The following TRMT61B variants were observed in gnomAD, a reference collection of about 807,000 sequenced individuals.
The protein encoded by TRMT61B is tRNA (adenine(58)-N(1))-methyltransferase, mitochondrial.
In TRMT61B, 56 loss-of-function variants were observed where a neutral mutation model predicts 52.0. The ratio of observed to expected loss-of-function variants is 1.08; its 90% CI spans 0.87 to 1.35. TRMT61B has a LOEUF of 1.35. TRMT61B is among the 40% of genes most tolerant of loss of function. The pLI is 0.00. For missense variants in TRMT61B, 650 were observed against 577.9 expected (o/e 1.12, Z -1.28); for synonymous variants, 206 against 220.0 (o/e 0.94, Z 0.56).
intron 3 of TRMT61B, among the ~76,000 whole-genome samples, chr2:28,856,370 A>G (rs1669342193): frequency 6.6e-6 from 1 of 152,174 alleles, no homozygotes; most frequent in South Asian, 2.1e-4. Flanking sequence ...TTGAAATATT[A>G]TAATACCTTT....
Position 28,865,133 on chromosome 2 carries a change from C to G in TRMT61B, c.700-14G>C. The stretch of plus-strand genomic sequence containing the variant: ...CATATTAATATCCTATGATTGAAAA[C>G]AGTATGGGTGACTCAGCGACCAATA... On this transcript the variant is annotated splice_polypyrimidine_tract_variant and intron_variant, in intron 1 of 6. Coordinates refer to ENST00000306108, the MANE Select transcript of TRMT61B (RefSeq NM_017910.4). The G allele has an allele frequency of 6.8e-7, 1 of 1,472,326 alleles. No individual in the cohort carries two copies. The highest frequency in any genetic ancestry group is 9.5e-7 in the Non-Finnish European group (1 of 1,052,436). 91.2% of individuals were successfully genotyped at this position (1,472,326 alleles called of 1,614,324 possible).
At chr2:28,862,993 C>T (rs1247870381) in intron 2 of TRMT61B, among the ~76,000 whole-genome samples, 1 of 151,886 alleles carries the variant, frequency 6.6e-6, no homozygotes, top group East Asian at 1.9e-4. Context: ...TTTCCACCCA[C>T]CTCTATCTGA....
At chr2:28,868,048 T>A (rs1035481690) in intron 1 of TRMT61B, among the ~76,000 whole-genome samples, 2 of 152,138 alleles carry the variant, frequency 1.3e-5, no homozygotes, top group Non-Finnish European at 2.9e-5. Context: ...CAAGACCTTG[T>A]CTTTAAACAA....
chr2:28,861,365 C>A, intron 2 of TRMT61B, 57 bp from the exon 3 acceptor site: 3 of 1,381,638 alleles, frequency 2.2e-6, no homozygotes, highest in South Asian at 1.5e-5. Flanking sequence ...TAAAAAGTGT[C>A]AAAAATGTAT....
In TRMT61B at chr2:28,865,039, C is replaced by T; in HGVS notation, c.780G>A (p.Met260Ile). 6.2e-7 allele frequency: 1 copy of T among 1,612,352 alleles called. No homozygotes were observed. Among genetic ancestry groups the T allele is most frequent in the Middle Eastern group, 1.7e-4 (1 of 6,060 alleles). ...TACCTGCTTTGGATAAAAATAAGCT[C>T]ATTCCACCAGAGCCTGAGCCAGCTT... ...VLEAGSGSGG[M>I]SLFLSKAVGS... Residue 260 changes from methionine (M) to isoleucine (I), a missense_variant, in exon 2 of 7, where the codon ATG becomes ATA. By Grantham distance (10) the Met-to-Ile change is conservative. Coordinates refer to ENST00000306108, the MANE Select transcript of TRMT61B (RefSeq NM_017910.4).
Position 28,861,120 on chromosome 2 carries a change from C to T in TRMT61B, c.991G>A (p.Ala331Thr), listed in dbSNP as rs140170079. ...AGGACCCACGTTAGAAAACTTACTG[C>T]GTCAAATGTTAAAGATTTTATGTCT... is the stretch of plus-strand genomic sequence containing the variant. ...TEDIKSLTFD[A>T]VALDMLNPHV... The change falls in exon 3 of 7, where the codon GCA becomes ACA. Residue 331 changes from alanine to threonine, a missense_variant and splice_region_variant. Physicochemically the swap from Ala to Thr is moderately conservative, Grantham distance 58. Transcript: ENST00000306108. The T allele has an allele frequency of 1.3e-5, 21 of 1,594,966 alleles. No homozygotes were observed. The highest frequency in any genetic ancestry group is 3.6e-5 in the Admixed American group (2 of 55,874).
intron 3 of TRMT61B, among the ~76,000 whole-genome samples, chr2:28,857,162 G>A (rs1389994172): frequency 6.6e-6 from 1 of 151,976 alleles, no homozygotes; most frequent in Non-Finnish European, 1.5e-5. Flanking sequence ...TCAAACTCCT[G>A]ACCTCAAGTG....
At chr2:28,866,370 G>A (rs924415661) in intron 1 of TRMT61B, among the ~76,000 whole-genome samples, 4 of 152,170 alleles carry the variant, frequency 2.6e-5, no homozygotes, top group Non-Finnish European at 4.4e-5. Flanking sequence ...GACCCGTTTC[G>A]TGGAAGACAG....
At chr2:28,861,556 T>C (rs946764640) in intron 2 of TRMT61B, 10 of 435,554 alleles carry the variant, frequency 2.3e-5, no homozygotes, top group African/African-American at 1.8e-4. Context: ...TATCTCTCTG[T>C]GTTTTTAATA....
chr2:28,853,022 AC>A (rs1669191216), intron 3 of TRMT61B, among the ~76,000 whole-genome samples: 1 of 152,186 alleles, frequency 6.6e-6, no homozygotes, highest in Admixed American at 6.5e-5. Context: ...TATGTCTTGT[AC>A]TTTGCATATT....
intron 2 of TRMT61B, among the ~76,000 whole-genome samples, chr2:28,862,954 G>A (rs904860785): frequency 4.0e-5 from 6 of 151,510 alleles, no homozygotes; most frequent in Non-Finnish European, 5.9e-5. Flanking sequence ...CCAGAGAGGA[G>A]TACTACATTT....
At position 28,870,116 on chromosome 2, in the gene TRMT61B, G is replaced by A. The variant is rs959068042; in HGVS notation, c.162C>T (p.His54=). 2 of 1,614,050 alleles carry A rather than the reference G, an allele frequency of 1.2e-6. No homozygotes were observed. The highest frequency in any genetic ancestry group is 8.5e-7 in the Non-Finnish European group (1 of 1,180,038). ...PRDLRDGERE[H]EAAQRKAPGA... ...CTGGGGCTTTCCTTTGTGCCGCCTC[G>A]TGCTCTCTTTCTCCATCTCGCAGGT... Residue 54 remains histidine, a synonymous_variant, in exon 1 of 7, where the codon CAC becomes CAT. Transcript: ENST00000306108.
At chr2:28,859,675 TAA>T (rs1224420571) in intron 3 of TRMT61B, among the ~76,000 whole-genome samples, 1 of 152,076 alleles carries the variant, frequency 6.6e-6, no homozygotes, top group Non-Finnish European at 1.5e-5. Context: ...TGAATAAATC[TAA>T]AAAAGAGTGT....
At chr2:28,867,825 G>T (rs1443224959) in intron 1 of TRMT61B, among the ~76,000 whole-genome samples, 1 of 151,968 alleles carries the variant, frequency 6.6e-6, no homozygotes, top group Non-Finnish European at 1.5e-5. Flanking sequence ...CTCAAGGGAG[G>T]ATCCCTTGAG....
intron 2 of TRMT61B, among the ~76,000 whole-genome samples, chr2:28,862,755 G>T (rs1669662087): frequency 6.7e-6 from 1 of 150,176 alleles, no homozygotes; most frequent in Non-Finnish European, 1.5e-5. Context: ...CTTTGGGAGG[G>T]CAAGGCAGGC....
At position 28,858,489 on chromosome 2, in the gene TRMT61B, G is replaced by T. The variant is rs1300459703; in HGVS notation, c.993+2629C>A. 3.9e-5 allele frequency among the ~76,000 whole-genome samples: 6 copies of T among 151,918 alleles called. No individual in the cohort carries two copies. The East Asian group carries it at 1.2e-3, about 29-fold the overall frequency. ...AGGTTCAGATCAGATCTGGCCACCA[G>T]AAGTCTTTGAATGAAAAGCTCCGGG... On this transcript the variant is annotated intron_variant, in intron 3 of 6. Coordinates refer to ENST00000306108, the MANE Select transcript of TRMT61B (RefSeq NM_017910.4).
At chr2:28,857,994 G>C (rs1386026811) in intron 3 of TRMT61B, among the ~76,000 whole-genome samples, 2 of 150,028 alleles carry the variant, frequency 1.3e-5, no homozygotes, top group East Asian at 3.9e-4. Flanking sequence ...ATTCCATTGT[G>C]TCTATTCTCT....
At chr2:28,863,356 C>T (rs79558837) in intron 2 of TRMT61B, among the ~76,000 whole-genome samples, 302 of 149,688 alleles carry the variant, frequency 2.0e-3, no homozygotes, top group South Asian at 5.3e-3. Flanking sequence ...ACTTGAGTTC[C>T]GAGGGTCAAG....
At chr2:28,852,692 C>T (rs913127661) in intron 3 of TRMT61B, among the ~76,000 whole-genome samples, 193 bp from the exon 4 acceptor site, 3 of 152,194 alleles carry the variant, frequency 2.0e-5, no homozygotes, top group Middle Eastern at 3.4e-3. Flanking sequence ...GGCAATGTGG[C>T]TTCTGCCTGT....
Sources: gnomAD v4.1 joint callset for allele counts (sites outside exome capture counted in the v4.1 genomes callset) on GRCh38, gnomAD v4.1.1 for gene constraint, MANE v1.5 for transcripts, NCBI Gene and HGNC (gene_info 2026-07-23, HGNC 2026-07-21) for gene names.